Variants in PLG observed in about 807,000 individuals in gnomAD.
PLG encodes plasminogen.
A neutral mutation model predicts 104.4 loss-of-function variants in PLG; 41 were observed. That is an observed-to-expected ratio of 0.39 (90% CI 0.31 to 0.51). PLG has a LOEUF of 0.51. Ranked by LOEUF, PLG falls within the 20% of genes least tolerant of loss-of-function variation. The pLI, the probability that PLG is intolerant of heterozygous loss-of-function variation, is 0.76. For synonymous variants in PLG, 337 were observed against 357.1 expected, an observed-to-expected ratio of 0.94 and a Z score of 0.63; for missense variants, 891 against 1,003.6, an observed-to-expected ratio of 0.89 and a Z score of 1.52.
Position 160,740,914 on chromosome 6 carries a change from T to A in PLG, c.2019-397T>A, listed in dbSNP as rs1778181671. ...TGGGCACACAACACATTTGCAATTT[T>A]ACAGCCTCTTGGTGGCATCTCAGTC... is the stretch of plus-strand genomic sequence containing the variant. On this transcript the variant is annotated intron_variant, in intron 16 of 18. Transcript: ENST00000308192. The surrounding 1 kb of genome is among the most constrained non-coding windows in gnomAD (Gnocchi z 5.2). 6.6e-6 allele frequency among the ~76,000 whole-genome samples: 1 copy of A among 152,206 alleles called. No homozygotes were observed. Among genetic ancestry groups the A allele is most frequent in the Non-Finnish European group, 1.5e-5 (1 of 68,036 alleles).
intron 9 of PLG, 75 bp from the exon 10 acceptor site, chr6:160,722,333 T>A: frequency 9.5e-7 from 1 of 1,047,310 alleles, no homozygotes; most frequent in Non-Finnish European, 1.5e-6. Flanking sequence ...TACCGTACTG[T>A]TTTTGTCATA....
chr6:160,718,205 T>C, intron 7 of PLG, 89 bp from the exon 8 acceptor site: 4 of 1,115,546 alleles, frequency 3.6e-6, no homozygotes, highest in Admixed American at 1.7e-5. Flanking sequence ...TGAGCTGAGA[T>C]CGTGCCACTG....
rs1777851823 is a variant in PLG, at chr6:160,722,536, C to T, written c.1225C>T (p.His409Tyr). 6.2e-7 allele frequency: 1 copy of T among 1,613,980 alleles called. No homozygotes were observed. Among genetic ancestry groups the T allele is most frequent in the Non-Finnish European group, 8.5e-7 (1 of 1,179,888 alleles). ...QSWSSMTPHR[H>Y]QKTPENYPNA... ...TTGGTCATCTATGACACCACACCGG[C>T]ACCAGAAGACCCCAGAAAACTACCC... Residue 409 changes from histidine (H) to tyrosine (Y), a missense_variant, in exon 10 of 19, where the codon CAC (histidine) becomes TAC (tyrosine). His to Tyr is a moderately conservative substitution (Grantham distance 83, BLOSUM62 2). Coordinates refer to ENST00000308192, the MANE Select transcript of PLG (RefSeq NM_000301.5).
chr6:160,702,989 G>GTGTGAA (rs1179636820), intron 1 of PLG, among the ~76,000 whole-genome samples: 1 of 152,168 alleles, frequency 6.6e-6, no homozygotes, highest in African/African-American at 2.4e-5. Flanking sequence ...ACATACCTGT[G>GTGTGAA]TGTGAATGTG....
rs183109765 is a variant in PLG at position 160,753,937 on chromosome 6, T to C, written c.*876T>C. Among the ~76,000 whole-genome samples, 107 of 152,316 alleles carry C rather than the reference T, an allele frequency of 7.0e-4. 1 individual carries two copies. Among genetic ancestry groups the C allele is most frequent in the Non-Finnish European group, 1.2e-3 (81 of 68,024 alleles). On this transcript the variant is annotated 3_prime_UTR_variant, in exon 19 of 19. Transcript: ENST00000308192. This position sits in a 1 kb window ranked among gnomAD's most constrained non-coding sequence, Gnocchi z 5.4. Reference sequence around the variant, plus strand: ...TTAAAATATTGTTACCAAACAAAAATATCCATTCAAAATACAATTTAACAA... The same window carrying C: ...TTAAAATATTGTTACCAAACAAAAACATCCATTCAAAATACAATTTAACAA...
At chr6:160,727,310 T>A (rs1777935370) in intron 10 of PLG, among the ~76,000 whole-genome samples, 1 of 151,708 alleles carries the variant, frequency 6.6e-6, no homozygotes, top group Non-Finnish European at 1.5e-5. Flanking sequence ...TATATATTAA[T>A]AAATCAATAA....
intron 1 of PLG, chr6:160,705,751 C>T (rs908774594): frequency 6.6e-5 from 10 of 152,378 alleles, no homozygotes; most frequent in Non-Finnish European, 1.3e-4. Context: ...TGTAGGAAAT[C>T]AAACAATGGC....
At chr6:160,708,411 A>C (rs903704842) in intron 3 of PLG, 1 of 152,596 alleles carries the variant, frequency 6.6e-6, no homozygotes, top group African/African-American at 2.4e-5. Context: ...CACTGCTTAG[A>C]ATAAGAGGCA....
In PLG at chr6:160,744,012, C is replaced by A. The variant is rs552051660; in HGVS notation, c.2125+2595C>A. Among the ~76,000 whole-genome samples, 1 of 152,288 alleles carries A rather than the reference C, an allele frequency of 6.6e-6. No individual in the cohort carries two copies. Among genetic ancestry groups the A allele is most frequent in the South Asian group, 2.1e-4 (1 of 4,820 alleles). ...GCTTACATTCTGGGGATAAAGCCTA[C>A]TTGATCACGATGGATTGGCTTTTTT... On this transcript the variant is annotated intron_variant, in intron 17 of 18. Coordinates refer to ENST00000308192, the MANE Select transcript of PLG (RefSeq NM_000301.5). The surrounding 1 kb of genome is among the most constrained non-coding windows in gnomAD (Gnocchi z 4.5).
Position 160,738,858 on chromosome 6 carries a change from C to T in PLG, c.1878-210C>T, listed in dbSNP as rs890212200. On this transcript the variant is annotated intron_variant, in intron 15 of 18. Transcript: ENST00000308192. This position sits in a 1 kb window ranked among gnomAD's most constrained non-coding sequence, Gnocchi z 6.8. ...AACTGCAGAACAGAGCTGTTCACTA[C>T]CATAGGCTGTATCAGTCTCTGCCCA... 6.6e-6 allele frequency among the ~76,000 whole-genome samples: 1 copy of T among 152,110 alleles called. No individual in the cohort carries two copies. Among genetic ancestry groups the T allele is most frequent in the African/African-American group, 2.4e-5 (1 of 41,414 alleles).
chr6:160,706,304 T>G (rs1777522106), intron 1 of PLG, 103 bp from the exon 2 acceptor site: 2 of 1,494,650 alleles, frequency 1.3e-6, no homozygotes, highest in Non-Finnish European at 1.9e-6. Context: ...CAGAAAGTTT[T>G]ATTTGGTTAA....
At chr6:160,721,128 TACA>T (rs1393210674) in intron 9 of PLG, among the ~76,000 whole-genome samples, 3 of 152,334 alleles carry the variant, frequency 2.0e-5, no homozygotes, top group Admixed American at 6.5e-5. Context: ...TGTCCACCGT[TACA>T]ACAAGATCCT....
chr6:160,729,704 A>G (rs546794542), intron 10 of PLG, among the ~76,000 whole-genome samples: 1 of 152,310 alleles, frequency 6.6e-6, no homozygotes, highest in Admixed American at 6.5e-5. Flanking sequence ...AAGGAAACCA[A>G]TAGTATTTCC....
Position 160,735,856 on chromosome 6 carries a change from A to G in PLG, c.1682-1031A>G, listed in dbSNP as rs538674813. On this transcript the variant is annotated intron_variant, in intron 13 of 18. Transcript: ENST00000308192. This position sits in a 1 kb window ranked among gnomAD's most constrained non-coding sequence, Gnocchi z 5.4. ...CATACTAGCAGAAATTGAGCTCAGC[A>G]CTAGAGAAGATGATTGCATTCTATG... Among the ~76,000 whole-genome samples the G allele has an allele frequency of 1.2e-4, 18 of 152,316 alleles. No homozygotes were observed. The East Asian group carries it at 2.7e-3, about 23-fold the overall frequency.
At chr6:160,707,632 T>C (rs1777554127) in intron 2 of PLG, 68 bp from the exon 3 acceptor site, 2 of 1,440,246 alleles carry the variant, frequency 1.4e-6, no homozygotes, top group Admixed American at 3.3e-5. Flanking sequence ...ATGTCTCACT[T>C]ATTAATAAAC....
chr6:160,718,686 T>C lies in PLG; in HGVS notation c.951-7T>C, dbSNP rs1777783985. 5 of 1,614,016 alleles carry C rather than the reference T, an allele frequency of 3.1e-6. No individual in the cohort carries two copies. The highest frequency in any genetic ancestry group is 4.2e-6 in the Non-Finnish European group (5 of 1,179,918). On this transcript the variant is annotated splice_polypyrimidine_tract_variant and splice_region_variant and intron_variant, in intron 8 of 18. Coordinates refer to ENST00000308192, the MANE Select transcript of PLG (RefSeq NM_000301.5). ...GAAAGCTAAACTCACAATCACTTCTTTTTCAGAAATTTGGATGAAAACTAC... is the reference window on the plus strand; with the variant it reads ...GAAAGCTAAACTCACAATCACTTCTCTTTCAGAAATTTGGATGAAAACTAC...
chr6:160,722,085 G>A (rs554636948), intron 9 of PLG, among the ~76,000 whole-genome samples: 129 of 152,230 alleles, frequency 8.5e-4, no homozygotes, highest in Non-Finnish European at 3.1e-4. Flanking sequence ...CTGCACTGCC[G>A]AATGCATCCT....
Position 160,753,852 on chromosome 6 carries a change from C to G in PLG, c.*791C>G, listed in dbSNP as rs1210421677. Among the ~76,000 whole-genome samples the G allele has an allele frequency of 6.6e-6, 1 of 152,172 alleles. No homozygotes were observed. The highest frequency in any genetic ancestry group is 1.5e-5 in the Non-Finnish European group (1 of 68,038). ...AGTACACACGGTCACAGGAGAATGA[C>G]CTGTGGGAGAGATACATGTTTAGAA... On this transcript the variant is annotated 3_prime_UTR_variant, in exon 19 of 19. Transcript: ENST00000308192. The surrounding 1 kb of genome is among the most constrained non-coding windows in gnomAD (Gnocchi z 5.4).
Position 160,742,074 on chromosome 6 carries a change from T to C in PLG, c.2125+657T>C, listed in dbSNP as rs952342514. The stretch of plus-strand genomic sequence containing the variant: ...ATCCAATGTGTCATTGATGGTCATA[T>C]AGGTGATTCCATGTCTTTGCTACTG... On this transcript the variant is annotated intron_variant, in intron 17 of 18. Coordinates refer to ENST00000308192, the MANE Select transcript of PLG (RefSeq NM_000301.5). 5.9e-5 allele frequency among the ~76,000 whole-genome samples: 9 copies of C among 152,354 alleles called. No homozygotes were observed. The East Asian group carries it at 1.5e-3, about 26-fold the overall frequency.
Sources: allele counts gnomAD v4.1 joint callset (sites outside exome capture counted in the v4.1 genomes callset), GRCh38; gene constraint gnomAD v4.1.1; non-coding constraint Gnocchi (gnomAD v3.1); transcripts MANE v1.5; gene names NCBI Gene and HGNC (gene_info 2026-07-23, HGNC 2026-07-21).